Variants in EIF2A observed in about 807,000 individuals in gnomAD.
EIF2A encodes eukaryotic translation initiation factor 2A, also known as 65 kDa eukaryotic translation initiation factor 2A.
In EIF2A, 62 loss-of-function variants were observed where a neutral mutation model predicts 75.2. The observed-to-expected ratio is 0.82, with a 90% CI of 0.67 to 1.02. The LOEUF (loss-of-function observed/expected upper bound fraction) is 1.02, where lower values mean the gene tolerates loss of function less well. Ranked by LOEUF, EIF2A falls within the 50% of genes least tolerant of loss-of-function variation. The probability of loss-of-function intolerance (pLI) is 0.00; values close to 1 mark genes in which losing one functional copy is unlikely to be tolerated. For missense variants in EIF2A, 611 were observed against 677.7 expected (o/e 0.90, Z 1.09); for synonymous variants, 207 against 239.0 (o/e 0.87, Z 1.23).
chr3:150,569,758 T>A (rs1047657275), intron 9 of EIF2A, among the ~76,000 whole-genome samples: 1 of 151,684 alleles, frequency 6.6e-6, no homozygotes, highest in Non-Finnish European at 1.5e-5. Flanking sequence ...GAGGTTGCAA[T>A]GAGCCAAGAT....
chr3:150,577,926 C>A (rs1200166408), intron 11 of EIF2A, among the ~76,000 whole-genome samples: 1 of 152,254 alleles, frequency 6.6e-6, no homozygotes, highest in South Asian at 2.1e-4. Context: ...TATGTTTCAT[C>A]CCCAGAAGTA....
At chr3:150,549,376 G>A (rs1407015266) in intron 1 of EIF2A, among the ~76,000 whole-genome samples, 3 of 151,926 alleles carry the variant, frequency 2.0e-5, no homozygotes, top group East Asian at 1.9e-4. Context: ...GCACCACCAC[G>A]CCCAGCTAAT....
chr3:150,561,795 A>G (rs1291006000), intron 3 of EIF2A, among the ~76,000 whole-genome samples: 1 of 143,394 alleles, frequency 7.0e-6, no homozygotes, highest in Non-Finnish European at 1.5e-5. Flanking sequence ...TAAAATATAC[A>G]TTTTTTTTTT....
In EIF2A at chr3:150,572,886, G is replaced by GTAT. The variant is rs1424939919; in HGVS notation, c.1383+357_1383+358insTAT. Among the ~76,000 whole-genome samples, 9 of 148,744 alleles carry GTAT rather than the reference G, an allele frequency of 6.1e-5. No individual in the cohort carries two copies. The South Asian group carries it at 1.5e-3, about 25-fold the overall frequency. The stretch of plus-strand genomic sequence containing the variant: ...AAAAAAAAAAAACAACCTTTCTCTT[G>GTAT]GACTAAACAAAACGTATGACTGGTC... On this transcript the variant is annotated intron_variant, in intron 10 of 13. Coordinates refer to ENST00000460851, the MANE Select transcript of EIF2A (RefSeq NM_032025.5).
intron 11 of EIF2A, among the ~76,000 whole-genome samples, chr3:150,578,569 TA>T (rs888630039): frequency 2.0e-5 from 3 of 152,098 alleles, no homozygotes; most frequent in African/African-American, 7.2e-5. Context: ...CAGTTTTTTT[TA>T]AAAGAGCCAA....
chr3:150,552,973 A>T (rs1723388287), intron 2 of EIF2A: 1 of 152,330 alleles, frequency 6.6e-6, no homozygotes, highest in African/African-American at 2.4e-5. Flanking sequence ...TCTGTGAAAG[A>T]GCTTTGGTAT....
At chr3:150,572,562 A>T in intron 10 of EIF2A, 33 bp downstream of exon 10, 1 of 1,562,166 alleles carries the variant, frequency 6.4e-7, no homozygotes, top group Non-Finnish European at 8.6e-7. Context: ...TATAGAAAAA[A>T]GTTTATTTTG....
At chr3:150,571,820 G>C (rs751969085) in intron 9 of EIF2A, 138 bp from the exon 10 acceptor site, 11 of 693,378 alleles carry the variant, frequency 1.6e-5, no homozygotes, top group Non-Finnish European at 2.4e-5. Context: ...TATAATGTAA[G>C]AGTATTTTAA....
At position 150,583,192 on chromosome 3, in the gene EIF2A, G is replaced by A; in HGVS notation, c.1627-8G>A. The A allele has an allele frequency of 6.2e-7, 1 of 1,610,094 alleles. No homozygotes were observed. The highest frequency in any genetic ancestry group is 8.5e-7 in the Non-Finnish European group (1 of 1,178,786). On this transcript the variant is annotated splice_polypyrimidine_tract_variant and splice_region_variant and intron_variant, in intron 12 of 13. Transcript: ENST00000460851. ...TCCATGCTCTTGACTCATATTTGAT[G>A]TTTGCAGAAACTGAAAGCAATCGAA... is the stretch of plus-strand genomic sequence containing the variant.
At chr3:150,582,439 C>T (rs868838538) in intron 12 of EIF2A, among the ~76,000 whole-genome samples, 5 of 151,894 alleles carry the variant, frequency 3.3e-5, no homozygotes, top group Middle Eastern at 3.2e-3. Flanking sequence ...CTCAGCCTCC[C>T]GAGTAGCTGG....
intron 2 of EIF2A, among the ~76,000 whole-genome samples, chr3:150,553,746 C>G (rs1723431404): frequency 6.6e-6 from 1 of 152,132 alleles, no homozygotes; most frequent in Non-Finnish European, 1.5e-5. Flanking sequence ...TTGATATTGT[C>G]ATTTGAATCT....
At chr3:150,571,893 A>G (rs1724545633) in intron 9 of EIF2A, 65 bp from the exon 10 acceptor site, 7 of 1,438,506 alleles carry the variant, frequency 4.9e-6, no homozygotes, top group Non-Finnish European at 6.5e-6. Flanking sequence ...TATGATGGTA[A>G]CTTTTGCTAA....
chr3:150,561,104 C>T (rs147011555), intron 3 of EIF2A, among the ~76,000 whole-genome samples: 692 of 152,212 alleles, frequency 4.5e-3, no homozygotes, highest in African/African-American at 0.016. Context: ...ATTTCCCTAG[C>T]TGCTATAGCT....
intron 1 of EIF2A, chr3:150,547,102 C>T (rs1368876859): frequency 1.9e-6 from 1 of 531,642 alleles, no homozygotes; most frequent in African/African-American, 1.9e-5. Context: ...GGGAGAAAAA[C>T]AATGTGCTAG....
chr3:150,566,707 T>C (rs1444821311), intron 6 of EIF2A: 1 of 152,212 alleles, frequency 6.6e-6, no homozygotes, highest in Non-Finnish European at 1.5e-5. Flanking sequence ...TTCACATAAG[T>C]ATTCATTTGG....
chr3:150,558,560 C>T (rs540589744), intron 3 of EIF2A, 98 bp downstream of exon 3: 221 of 1,099,510 alleles, frequency 2.0e-4, no homozygotes, highest in Middle Eastern at 1.3e-3. Context: ...TAATAAAATC[C>T]GTCTTTTAAT....
intron 11 of EIF2A, among the ~76,000 whole-genome samples, chr3:150,580,496 T>C (rs1390320396): frequency 6.6e-6 from 1 of 152,190 alleles, no homozygotes; most frequent in East Asian, 1.9e-4. Flanking sequence ...GCTTGTGTGG[T>C]AAGTTGAATG....
intron 1 of EIF2A, chr3:150,547,183 A>G (rs770455044): frequency 2.3e-5 from 7 of 305,638 alleles, no homozygotes; most frequent in African/African-American, 6.3e-5. Context: ...TAGGTCTACA[A>G]TAAGAACAAA....
Position 150,572,487 on chromosome 3 carries a change from AC to A in EIF2A, c.1346del (p.Pro449GlnfsTer3), listed in dbSNP as rs1458095742. On this transcript the variant is annotated frameshift_variant, in exon 10 of 14. Coordinates refer to ENST00000460851, the MANE Select transcript of EIF2A (RefSeq NM_032025.5). LOFTEE classifies it high-confidence loss of function. ...EEPKVATAYR[P>X]PALRNKPITN... ...AACCTAAAGTTGCAACAGCTTATAG[AC>A]CCCCAGCTTTAAGAAATAAACCAAT... is the stretch of plus-strand genomic sequence containing the variant. The A allele has an allele frequency of 1.9e-6, 3 of 1,612,536 alleles. No homozygotes were observed. The East Asian group carries it at 6.7e-5, about 36-fold the overall frequency.
Sources: gnomAD v4.1 joint callset for allele counts (sites outside exome capture counted in the v4.1 genomes callset) on GRCh38, gnomAD v4.1.1 for gene constraint, MANE v1.5 for transcripts, NCBI Gene and HGNC (gene_info 2026-07-23, HGNC 2026-07-21) for gene names.